The following DDT variants were observed in gnomAD, a reference collection of about 807,000 sequenced individuals.
DDT encodes the protein D-dopachrome tautomerase, also known as D-dopachrome decarboxylase.
A neutral mutation model predicts 2.5 loss-of-function variants in DDT; 4 were observed. That is an observed-to-expected ratio of 1.59 (90% CI 0.78 to 3.63). DDT has a LOEUF of 3.63. Ranked by LOEUF, DDT falls within the 30% of genes most tolerant of loss-of-function variation. The pLI, the probability that DDT is intolerant of heterozygous loss-of-function variation, is 0.01. For synonymous variants in DDT, 11 were observed against 10.0 expected, an observed-to-expected ratio of 1.10 and a Z score of -0.19; for missense variants, 32 against 30.0, an observed-to-expected ratio of 1.07 and a Z score of -0.15.
At chr22:23,972,035 G>T (rs1374285875) in intron 2 of DDT, 1 of 385,710 alleles carries the variant, frequency 2.6e-6, no homozygotes, top group Non-Finnish European at 3.6e-6. Context: ...TAATGTCTGG[G>T]CCATAAGTGA....
chr22:23,971,403 A>G lies in DDT; in HGVS notation c.*148T>C. On this transcript the variant is annotated 3_prime_UTR_variant, in exon 3 of 3. Transcript: ENST00000398344. Reference sequence around the variant, plus strand: ...AGGAAGCTCTCTTCATTTATTTCATATGAGGATGAAGAAGAGGATTATGTG... The same window carrying G: ...AGGAAGCTCTCTTCATTTATTTCATGTGAGGATGAAGAAGAGGATTATGTG... 6.2e-7 allele frequency: 1 copy of G among 1,613,406 alleles called. No individual in the cohort carries two copies. Among genetic ancestry groups the G allele is most frequent in the Non-Finnish European group, 8.5e-7 (1 of 1,179,652 alleles).
At chr22:23,971,889 TATC>T (rs2033912392) in intron 2 of DDT, 1 of 427,332 alleles carries the variant, frequency 2.3e-6, no homozygotes, top group Non-Finnish European at 4.2e-6. Context: ...CCGTACACTC[TATC>T]ATCTCCATCA....
intron 2 of DDT, 37 bp from the exon 3 acceptor site, chr22:23,971,660 T>C (rs759717200): frequency 6.3e-7 from 1 of 1,591,878 alleles, no homozygotes; most frequent in African/African-American, 1.3e-5. Flanking sequence ...ATCAGCTCCT[T>C]GGCTAATACC....
chr22:23,972,523 T>A (rs1206988166), intron 2 of DDT: 1 of 414,696 alleles, frequency 2.4e-6, no homozygotes, highest in Non-Finnish European at 3.4e-6. Context: ...GTTTAGGGAA[T>A]AATGACAAGG....
chr22:23,972,099 G>A (rs890503631), intron 2 of DDT: 10 of 898,496 alleles, frequency 1.1e-5, no homozygotes, highest in Non-Finnish European at 1.3e-5. Flanking sequence ...ACCAGAACTT[G>A]GGACAGCCTG....
Position 23,971,581 on chromosome 22 carries a change from G to C in DDT, c.327C>G (p.Gly109=). 6.2e-7 allele frequency: 1 copy of C among 1,614,102 alleles called. No individual in the cohort carries two copies. Among genetic ancestry groups the C allele is most frequent in the Non-Finnish European group, 8.5e-7 (1 of 1,180,010 alleles). The change falls in exon 3 of 3, where the codon GGC becomes GGG. Residue 109 remains glycine, a synonymous_variant. Transcript: ENST00000398344. The part of the protein sequence containing the change: ...RFFPLESWQI[G]KIGTVMTFL ...AAAAAGTCATGACCGTCCCTATCTT[G>C]CCAATCTGCCAGGACTCCAAGGGGA... is the stretch of plus-strand genomic sequence containing the variant.
At chr22:23,971,829 T>C (rs1268970997) in intron 2 of DDT, 2 of 588,406 alleles carry the variant, frequency 3.4e-6, no homozygotes, top group East Asian at 5.9e-5. Context: ...TAGCCGCACA[T>C]CATGACCCAG....
In DDT at chr22:23,971,476, G is replaced by C. The variant is rs745969644; in HGVS notation, c.*75C>G. 5.1e-5 allele frequency: 82 copies of C among 1,608,046 alleles called. No homozygotes were observed. Among genetic ancestry groups the C allele is most frequent in the Non-Finnish European group, 6.4e-5 (75 of 1,176,060 alleles). On this transcript the variant is annotated 3_prime_UTR_variant, in exon 3 of 3. Coordinates refer to ENST00000398344, the MANE Select transcript of DDT (RefSeq NM_001084392.3). ...GATAATCCAAAGCTGGTTATCTCCA[G>C]GCCCTCACTCTGCCAAGAGATCTCT...
rs578005347 is a variant in DDT at position 23,971,606 on chromosome 22, A to C, written c.302T>G (p.Phe101Cys). The change falls in exon 3 of 3, where the codon TTC becomes TGC. Residue 101 changes from phenylalanine (F) to cysteine (C), a missense_variant. Physicochemically the swap from Phe to Cys is radical, Grantham distance 205. Coordinates refer to ENST00000398344, the MANE Select transcript of DDT (RefSeq NM_001084392.3). ...LGQDRILIRF[F>C]PLESWQIGKI... Reference sequence around the variant, plus strand: ...GCCAATCTGCCAGGACTCCAAGGGGAAAAAGCGGATAAGTATCCTTCAGGA... The same window carrying C: ...GCCAATCTGCCAGGACTCCAAGGGGCAAAAGCGGATAAGTATCCTTCAGGA... The C allele has an allele frequency of 6.2e-7, 1 of 1,613,738 alleles. No homozygotes were observed. Among genetic ancestry groups the C allele is most frequent in the African/African-American group, 1.3e-5 (1 of 75,022 alleles).
chr22:23,971,981 A>T, intron 2 of DDT: 1 of 220,036 alleles, frequency 4.5e-6, no homozygotes, highest in Non-Finnish European at 8.2e-6. Context: ...TGTTTTCTCA[A>T]AGGCTGAGCA....
intron 2 of DDT, 61 bp from the exon 3 acceptor site, chr22:23,971,684 C>A (rs139852514): frequency 6.7e-7 from 1 of 1,500,608 alleles, no homozygotes; most frequent in South Asian, 1.2e-5. Flanking sequence ...TCTTGCAAGA[C>A]CCCTGCCAGG....
In DDT at chr22:23,971,603, G is replaced by A. The variant is rs778243746; in HGVS notation, c.305C>T (p.Pro102Leu). 4.3e-5 allele frequency: 70 copies of A among 1,613,846 alleles called. 1 individual carries two copies. The highest frequency in any genetic ancestry group is 5.8e-5 in the Non-Finnish European group (69 of 1,179,940). ...CTTGCCAATCTGCCAGGACTCCAAG[G>A]GGAAAAAGCGGATAAGTATCCTTCA... ...GQDRILIRFFPLESWQIGKIG... is the reference protein window; with the variant it reads ...GQDRILIRFFLLESWQIGKIG... The change falls in exon 3 of 3, where the codon CCC becomes CTC. Residue 102 changes from proline to leucine, a missense_variant. Transcript: ENST00000398344.
intron 2 of DDT, chr22:23,971,913 T>C (rs1286529872): frequency 1.5e-5 from 5 of 336,370 alleles, no homozygotes; most frequent in African/African-American, 6.3e-5. Context: ...GTTTGTGTAC[T>C]GAGGGGTACC....
At chr22:23,972,034 G>A in intron 2 of DDT, 1 of 374,518 alleles carries the variant, frequency 2.7e-6, no homozygotes, top group Non-Finnish European at 3.7e-6. Flanking sequence ...CTAATGTCTG[G>A]GCCATAAGTG....
intron 2 of DDT, chr22:23,972,066 ACAG>A (rs2033916995): frequency 1.3e-5 from 8 of 621,590 alleles, no homozygotes; most frequent in Non-Finnish European, 1.6e-5. Flanking sequence ...CTCAGAGGTA[ACAG>A]CAAGTTTCCA....
intron 2 of DDT, 148 bp from the exon 3 acceptor site, chr22:23,971,771 A>C (rs2033909242): frequency 1.4e-6 from 1 of 691,002 alleles, no homozygotes; most frequent in Non-Finnish European, 2.4e-6. Context: ...CCCAATAATG[A>C]TTTTCCCCAA....
rs765480677 is a variant in DDT at position 23,971,596 on chromosome 22, C to T, written c.312G>A (p.Glu104=). Residue 104 remains glutamate, a synonymous_variant, in exon 3 of 3, where the codon GAG becomes GAA. Transcript: ENST00000398344. ...TCCCTATCTTGCCAATCTGCCAGGA[C>T]TCCAAGGGGAAAAAGCGGATAAGTA... The part of the protein sequence containing the change: ...DRILIRFFPL[E]SWQIGKIGTV... 3.1e-6 allele frequency: 5 copies of T among 1,613,998 alleles called. No individual in the cohort carries two copies. Among genetic ancestry groups the T allele is most frequent in the Non-Finnish European group, 3.4e-6 (4 of 1,180,004 alleles).
chr22:23,971,999 AC>A (rs1233152640), intron 2 of DDT: 2 of 230,908 alleles, frequency 8.7e-6, no homozygotes, highest in Non-Finnish European at 1.4e-5. Flanking sequence ...GCACAGGGTG[AC>A]CCCCCACCCC....
chr22:23,971,687 C>T, intron 2 of DDT, 64 bp from the exon 3 acceptor site: 2 of 1,452,626 alleles, frequency 1.4e-6, no homozygotes, highest in Non-Finnish European at 1.9e-6. Context: ...TGCAAGACCC[C>T]TGCCAGGTAC....
Sources: allele counts gnomAD v4.1 joint callset, GRCh38; gene constraint gnomAD v4.1.1; transcripts MANE v1.5; gene names NCBI Gene and HGNC (gene_info 2026-07-23, HGNC 2026-07-21).